PCDHA3: variants seen among roughly 807,000 people sequenced by gnomAD.
The protein encoded by PCDHA3 is protocadherin alpha-3.
Under a neutral mutation model 62.2 loss-of-function variants are expected in PCDHA3, and 41 were observed. The observed-to-expected ratio is 0.66, with a 90% CI of 0.51 to 0.86. The LOEUF is 0.86. Ranked by LOEUF, PCDHA3 falls within the 40% of genes least tolerant of loss-of-function variation. PCDHA3 has a pLI of 0.00. For missense variants in PCDHA3, 1,304 were observed against 1,241.2 expected, an observed-to-expected ratio of 1.05 and a Z score of -0.76; for synonymous variants, 640 against 555.4, an observed-to-expected ratio of 1.15 and a Z score of -2.14.
chr5:140,842,574 T>C, intron 1 of PCDHA3: 1 of 1,508,332 alleles, frequency 6.6e-7, no homozygotes, highest in East Asian at 2.3e-5. Context: ...CGCGAGAGAG[T>C]GTCGGCCTAT....
chr5:140,836,715 C>T, intron 1 of PCDHA3: 1 of 1,612,974 alleles, frequency 6.2e-7, no homozygotes, highest in Non-Finnish European at 8.5e-7. Flanking sequence ...CAGCCTTCCT[C>T]AGGGTCCATC....
chr5:140,801,915 C>G lies in PCDHA3; in HGVS notation c.718C>G (p.Pro240Ala). 2 of 1,614,120 alleles carry G rather than the reference C, an allele frequency of 1.2e-6. No homozygotes were observed. Among genetic ancestry groups the G allele is most frequent in the South Asian group, 2.2e-5 (2 of 91,090 alleles). The change falls in exon 1 of 4, where the codon CCA becomes GCA. Residue 240 changes from proline to alanine, a missense_variant. Coordinates refer to ENST00000522353, the MANE Select transcript of PCDHA3 (RefSeq NM_018906.3). ...ITVLDVNDNAPAFERTIYKVR... is the reference protein window; with the variant it reads ...ITVLDVNDNAAAFERTIYKVR... ...TGTTTTAGATGTAAACGACAACGCC[C>G]CAGCGTTTGAGAGGACGATCTATAA... is the stretch of plus-strand genomic sequence containing the variant.
chr5:140,970,881 C>T (rs1316692542), intron 1 of PCDHA3, among the ~76,000 whole-genome samples: 1 of 152,050 alleles, frequency 6.6e-6, no homozygotes, highest in Non-Finnish European at 1.5e-5. Flanking sequence ...GTAGATTTTT[C>T]TCATGGACAT....
chr5:140,801,799 A>G lies in PCDHA3; in HGVS notation c.602A>G (p.Asn201Ser), dbSNP rs1762787431. 5.0e-6 allele frequency: 8 copies of G among 1,613,974 alleles called. No homozygotes were observed. The highest frequency in any genetic ancestry group is 1.3e-5 in the African/African-American group (1 of 74,910). The change falls in exon 1 of 4, where the codon AAT becomes AGT. Residue 201 changes from asparagine (N) to serine (S), a missense_variant. By Grantham distance (46) the Asn-to-Ser change is conservative. Coordinates refer to ENST00000522353, the MANE Select transcript of PCDHA3 (RefSeq NM_018906.3). Reference protein sequence around the residue: ...SLGLVLKKNLNREDTPKHYLL... With the variant: ...SLGLVLKKNLSREDTPKHYLL... ...GGACTCGTGTTGAAAAAAAATTTAA[A>G]TCGAGAGGACACTCCTAAGCATTAT... is the stretch of plus-strand genomic sequence containing the variant.
chr5:140,824,547 G>T (rs1233636687), intron 1 of PCDHA3: 1 of 183,508 alleles, frequency 5.4e-6, no homozygotes, highest in South Asian at 1.5e-4. Context: ...AAACTCCTGG[G>T]CTCAAGTGAT....
At chr5:140,893,657 A>T (rs1046030357) in intron 1 of PCDHA3, among the ~76,000 whole-genome samples, 19 of 152,126 alleles carry the variant, frequency 1.2e-4, no homozygotes, top group Non-Finnish European at 2.2e-4. Context: ...TGATAGTTTT[A>T]AAAAATTTCA....
intron 1 of PCDHA3, chr5:140,865,066 G>A (rs1299001288): frequency 1.3e-5 from 2 of 152,140 alleles, no homozygotes; most frequent in African/African-American, 4.8e-5. Flanking sequence ...AATAACTTAA[G>A]TATAAGAACC....
intron 1 of PCDHA3, among the ~76,000 whole-genome samples, chr5:140,949,595 G>A (rs1342869045): frequency 1.3e-5 from 2 of 151,566 alleles, no homozygotes; most frequent in Admixed American, 6.6e-5. Context: ...TATTAATGTG[G>A]CCATTCTAGT....
At chr5:140,810,256 G>T (rs1407131927) in intron 1 of PCDHA3, 3 of 152,158 alleles carry the variant, frequency 2.0e-5, no homozygotes, top group East Asian at 1.9e-4. Flanking sequence ...AATTTGCATT[G>T]TGCCTCAATG....
At chr5:140,867,109 A>G (rs2049756406) in intron 1 of PCDHA3, 3 of 152,146 alleles carry the variant, frequency 2.0e-5, no homozygotes, top group South Asian at 2.1e-4. Context: ...CTAAATTAAC[A>G]TATTGTTTTA....
chr5:140,824,618 T>TTTTTTTTTG (rs1562279613), intron 1 of PCDHA3: 3 of 128,814 alleles, frequency 2.3e-5, no homozygotes, highest in African/African-American at 7.0e-5. Context: ...AAGTTTTTTT[T>TTTTTTTTTG]TTTTTTTTTT....
intron 1 of PCDHA3, chr5:140,822,561 A>T (rs1462870943): frequency 8.1e-6 from 13 of 1,613,422 alleles, no homozygotes; most frequent in Non-Finnish European, 1.1e-5. Flanking sequence ...TAGTTATTAA[A>T]CTGAACGCCT....
chr5:140,976,788 G>A (rs969853431), intron 1 of PCDHA3, among the ~76,000 whole-genome samples: 4 of 152,218 alleles, frequency 2.6e-5, no homozygotes, highest in Middle Eastern at 3.4e-3. Flanking sequence ...ATATAGCTAC[G>A]CTTTTATGAA....
At chr5:141,001,388 TAC>T (rs1234412755) in intron 3 of PCDHA3, among the ~76,000 whole-genome samples, 4 of 152,238 alleles carry the variant, frequency 2.6e-5, no homozygotes, top group Non-Finnish European at 5.9e-5. Flanking sequence ...CCTAAGATCC[TAC>T]AGAGAACAGG....
intron 1 of PCDHA3, chr5:140,823,006 G>A: frequency 6.2e-7 from 1 of 1,614,228 alleles, no homozygotes; most frequent in South Asian, 1.1e-5. Context: ...GCTGGACAGC[G>A]CCCTGGACCG....
chr5:140,938,468 A>G (rs1427570517), intron 1 of PCDHA3, among the ~76,000 whole-genome samples: 1 of 152,096 alleles, frequency 6.6e-6, no homozygotes, highest in African/African-American at 2.4e-5. Context: ...TTAATTTATT[A>G]TGTTTTTTAA....
At chr5:140,998,940 A>G (rs2097841050) in intron 3 of PCDHA3, among the ~76,000 whole-genome samples, 1 of 152,222 alleles carries the variant, frequency 6.6e-6, no homozygotes, top group African/African-American at 2.4e-5. Context: ...AGATGAAGAA[A>G]CTGTAAGTCA....
rs782366361 is a variant in PCDHA3, at chr5:140,884,693, T to C, written c.2394+81102T>C. On this transcript the variant is annotated intron_variant, in intron 1 of 3. Coordinates refer to ENST00000522353, the MANE Select transcript of PCDHA3 (RefSeq NM_018906.3). ...CTTATATTTTAAAAAATTGTCTTAGTAAACACTTTAGCCTTCCTTGCAGTT... is the reference window on the plus strand; with the variant it reads ...CTTATATTTTAAAAAATTGTCTTAGCAAACACTTTAGCCTTCCTTGCAGTT... The C allele has an allele frequency of 2.1e-5, 32 of 1,524,768 alleles. No individual in the cohort carries two copies. The East Asian group carries it at 6.9e-4, about 33-fold the overall frequency. The allele number at this position is 1,524,768 out of a possible 1,614,324, so 94.5% of individuals were successfully genotyped here. A position where few individuals can be genotyped will look rare whatever the true frequency, so the allele number is the denominator to read the frequency against.
chr5:140,899,654 G>C (rs1429177993), intron 1 of PCDHA3, among the ~76,000 whole-genome samples: 1 of 152,158 alleles, frequency 6.6e-6, no homozygotes, highest in African/African-American at 2.4e-5. Context: ...ATTTGGTTGT[G>C]TCTCTGCCCG....
Sources: allele counts gnomAD v4.1 joint callset (sites outside exome capture counted in the v4.1 genomes callset), GRCh38; gene constraint gnomAD v4.1.1; transcripts MANE v1.5; gene names NCBI Gene and HGNC (gene_info 2026-07-23, HGNC 2026-07-21).